The following KANSL1L variants were observed in gnomAD, a reference collection of about 807,000 sequenced individuals.
KANSL1L encodes KAT8 regulatory NSL complex subunit 1 like.
In KANSL1L, 25 loss-of-function variants were observed where a neutral mutation model predicts 108.6. The ratio of observed to expected loss-of-function variants is 0.23; its 90% confidence interval spans 0.17 to 0.32. The LOEUF (loss-of-function observed/expected upper bound fraction) is 0.32, where lower values mean the gene tolerates loss of function less well. Among genes scored for constraint, KANSL1L ranks in the 10% least tolerant of loss-of-function variants. The pLI is 1.00. For missense variants in KANSL1L, 1,137 were observed against 1,125.7 expected (o/e 1.01, Z -0.14); for synonymous variants, 405 against 395.1 (o/e 1.03, Z -0.30).
intron 1 of KANSL1L, among the ~76,000 whole-genome samples, chr2:210,169,847 G>A (rs1164614062): frequency 6.6e-6 from 1 of 152,060 alleles, no homozygotes; most frequent in East Asian, 1.9e-4. Context: ...CCCAACATGT[G>A]GGCTTTTAAA....
intron 1 of KANSL1L, among the ~76,000 whole-genome samples, chr2:210,158,061 C>T (rs2095343296): frequency 6.6e-6 from 1 of 152,178 alleles, no homozygotes. Flanking sequence ...CTAGGGCTTA[C>T]CGGTAGGACA....
At chr2:210,117,992 C>T (rs1019470407) in intron 3 of KANSL1L, among the ~76,000 whole-genome samples, 12 of 148,198 alleles carry the variant, frequency 8.1e-5, no homozygotes, top group East Asian at 6.0e-4. Context: ...GGAGAAACCC[C>T]GTCTCTACTA....
intron 6 of KANSL1L, among the ~76,000 whole-genome samples, chr2:210,058,569 C>T (rs2094382760): frequency 6.6e-6 from 1 of 152,256 alleles, no homozygotes; most frequent in African/African-American, 2.4e-5. Context: ...CGCAGTGGCT[C>T]ATGCCTGTAA....
intron 6 of KANSL1L, among the ~76,000 whole-genome samples, chr2:210,055,737 T>G (rs2094342981): frequency 6.6e-6 from 1 of 152,160 alleles, no homozygotes; most frequent in African/African-American, 2.4e-5. Context: ...CTGTGGAACT[T>G]TGAACTTGAG....
In KANSL1L at chr2:210,104,318, G is replaced by A; in HGVS notation, c.1231-17C>T. ...CACTATCCCCTAGACAAAAAACAAT[G>A]AGAAAGTTGAAATGAAAACAAACTT... is the stretch of plus-strand genomic sequence containing the variant. On this transcript the variant is annotated splice_polypyrimidine_tract_variant and intron_variant, in intron 3 of 14. Coordinates refer to ENST00000281772, the MANE Select transcript of KANSL1L (RefSeq NM_152519.4). 1 of 1,593,990 alleles carries A rather than the reference G, an allele frequency of 6.3e-7. No homozygotes were observed. Among genetic ancestry groups the A allele is most frequent in the South Asian group, 1.1e-5 (1 of 90,198 alleles).
At chr2:210,060,749 A>C (rs1004836122) in intron 6 of KANSL1L, among the ~76,000 whole-genome samples, 1 of 152,230 alleles carries the variant, frequency 6.6e-6, no homozygotes, top group Non-Finnish European at 1.5e-5. Flanking sequence ...TTTGAAGAAT[A>C]CCATGAGAAA....
intron 5 of KANSL1L, among the ~76,000 whole-genome samples, chr2:210,089,933 C>A (rs992405517): frequency 6.6e-6 from 1 of 151,714 alleles, no homozygotes; most frequent in Non-Finnish European, 1.5e-5. Context: ...TCTTTAGTAA[C>A]AGCTGGCCTA....
rs1182985799 is a variant in KANSL1L, at chr2:210,044,588, TG to T, written c.1756-485del. Among the ~76,000 whole-genome samples the T allele has an allele frequency of 3.3e-5, 5 of 151,962 alleles. No homozygotes were observed. Among genetic ancestry groups the T allele is most frequent in the African/African-American group, 4.8e-5 (2 of 41,362 alleles). On this transcript the variant is annotated intron_variant, in intron 6 of 14. Transcript: ENST00000281772. The surrounding 1 kb of genome is among the most constrained non-coding windows in gnomAD (Gnocchi z 4.2). ...TAAGAATGATATGGATTGCAGGGTTTGTTTTTTTTTGGGGGGGGTATGGTTC... is the reference window on the plus strand; with the variant it reads ...TAAGAATGATATGGATTGCAGGGTTTTTTTTTTTTGGGGGGGGTATGGTTC...
At chr2:210,137,140 ATAAAAAT>A (rs889546066) in intron 2 of KANSL1L, among the ~76,000 whole-genome samples, 14 of 152,334 alleles carry the variant, frequency 9.2e-5, no homozygotes, top group Admixed American at 8.5e-4. Flanking sequence ...AACCAGTTTA[ATAAAAAT>A]TAAAAATATC....
Position 210,031,404 on chromosome 2 carries a change from T to C in KANSL1L, c.2155+17A>G. 1.3e-6 allele frequency: 2 copies of C among 1,555,716 alleles called. No individual in the cohort carries two copies. Among genetic ancestry groups the C allele is most frequent in the Non-Finnish European group, 1.8e-6 (2 of 1,134,202 alleles). On this transcript the variant is annotated intron_variant, in intron 9 of 14. Coordinates refer to ENST00000281772, the MANE Select transcript of KANSL1L (RefSeq NM_152519.4). The stretch of plus-strand genomic sequence containing the variant: ...TTAATATTTATCACTACTGCTTATA[T>C]CCTCACTTTAACCTACCTAATGCTG...
chr2:210,075,219 C>A (rs1559535649), intron 6 of KANSL1L, among the ~76,000 whole-genome samples: 1 of 152,038 alleles, frequency 6.6e-6, no homozygotes, highest in Admixed American at 6.5e-5. Flanking sequence ...ATATGTAGTA[C>A]ATTTGTGTTA....
Position 210,056,429 on chromosome 2 carries a change from T to C in KANSL1L, c.1756-12325A>G, listed in dbSNP as rs188661862. On this transcript the variant is annotated intron_variant, in intron 6 of 14. Transcript: ENST00000281772. ...GATGTTGTGCTAATCACCGAATCATTATCATCATCAACGTCATTCACATTT... is the reference window on the plus strand; with the variant it reads ...GATGTTGTGCTAATCACCGAATCATCATCATCATCAACGTCATTCACATTT... Among the ~76,000 whole-genome samples, 330 of 152,346 alleles carry C rather than the reference T, an allele frequency of 2.2e-3. 2 individuals carry two copies. Among genetic ancestry groups the C allele is most frequent in the Non-Finnish European group, 2.7e-3 (184 of 68,024 alleles).
At chr2:210,138,157 T>A (rs974323409) in intron 2 of KANSL1L, among the ~76,000 whole-genome samples, 1 of 151,454 alleles carries the variant, frequency 6.6e-6, no homozygotes, top group Admixed American at 6.6e-5. Context: ...GAGCTGTGAT[T>A]TTTTTTTTAC....
rs148942291 is a variant in KANSL1L at position 210,158,132 on chromosome 2, T to A, written c.-29-3521A>T. On this transcript the variant is annotated intron_variant, in intron 1 of 14. Transcript: ENST00000281772. The stretch of plus-strand genomic sequence containing the variant: ...TCTTCGTATTCATGCCCTTGTTTAA[T>A]CCTCTCCTAGAACAGGGACTGGATT... 8.5e-3 allele frequency among the ~76,000 whole-genome samples: 1,289 copies of A among 152,230 alleles called. 7 individuals are homozygous for A. The highest frequency in any genetic ancestry group is 0.01 in the Non-Finnish European group (705 of 68,000).
At chr2:210,064,903 C>T (rs543854049) in intron 6 of KANSL1L, among the ~76,000 whole-genome samples, 58 of 150,306 alleles carry the variant, frequency 3.9e-4, no homozygotes, top group African/African-American at 1.0e-3. Flanking sequence ...GAGTACATTA[C>T]GAACTCATAG....
In KANSL1L at chr2:210,024,035, T is replaced by G. The variant is rs771120480; in HGVS notation, c.2731A>C (p.Lys911Gln). 2 of 1,565,172 alleles carry G rather than the reference T, an allele frequency of 1.3e-6. No homozygotes were observed. Among genetic ancestry groups the G allele is most frequent in the African/African-American group, 2.8e-5 (2 of 72,602 alleles). Residue 911 changes from lysine (K) to glutamine (Q), a missense_variant and splice_region_variant, in exon 14 of 15, where the codon AAG (lysine) becomes CAG (glutamine). Physicochemically the swap from Lys to Gln is moderately conservative, Grantham distance 53 (BLOSUM62 1). This residue lies in a region of KANSL1L where 575 missense variants were observed against 567.1 expected (regional missense o/e 1.01). Transcript: ENST00000281772. ...TTAATCATACATATTACACTTACCT[T>G]GGTTTCTTGACTTTGATTTAAAGAA... ...LPSLNQSQET[K>Q]SLWWERRAFP...
At chr2:210,034,593 G>A (rs998531514) in intron 8 of KANSL1L, among the ~76,000 whole-genome samples, 12 of 152,090 alleles carry the variant, frequency 7.9e-5, no homozygotes, top group African/African-American at 2.9e-4. Flanking sequence ...TTTTGAGGAG[G>A]TCACTGCCTA....
intron 6 of KANSL1L, among the ~76,000 whole-genome samples, chr2:210,071,130 C>G (rs913166582): frequency 6.6e-6 from 1 of 152,042 alleles, no homozygotes; most frequent in African/African-American, 2.4e-5. Flanking sequence ...TGCACTCCAG[C>G]CTGGGCAACA....
At chr2:210,136,542 A>C (rs2125572512) in intron 2 of KANSL1L, among the ~76,000 whole-genome samples, 1 of 152,342 alleles carries the variant, frequency 6.6e-6, no homozygotes, top group African/African-American at 2.4e-5. Flanking sequence ...CTGTTCAATA[A>C]GCATTGTGTG....
Sources: gnomAD v4.1 joint callset for allele counts (sites outside exome capture counted in the v4.1 genomes callset) on GRCh38, gnomAD v4.1.1 for gene constraint, gnomAD v4.1.1 regional missense constraint, Gnocchi (gnomAD v3.1) non-coding constraint, MANE v1.5 for transcripts, NCBI Gene and HGNC (gene_info 2026-07-23, HGNC 2026-07-21) for gene names.